GPR180: variants seen among roughly 807,000 people sequenced by gnomAD.
GPR180 encodes integral membrane protein GPR180.
In GPR180, 53 loss-of-function variants were observed where a neutral mutation model predicts 52.6. That is an observed-to-expected ratio of 1.01 (90% confidence interval 0.81 to 1.27). The LOEUF (loss-of-function observed/expected upper bound fraction) is 1.27. Ranked by LOEUF, GPR180 falls within the 50% of genes most tolerant of loss-of-function variation. The pLI is 0.00. For synonymous variants in GPR180, 200 were observed against 193.1 expected (o/e 1.04, Z -0.30); for missense variants, 533 against 527.0 (o/e 1.01, Z -0.11).
intron 3 of GPR180, among the ~76,000 whole-genome samples, chr13:94,616,900 A>G (rs1229067795): frequency 2.0e-5 from 3 of 152,196 alleles, no homozygotes; most frequent in Non-Finnish European, 4.4e-5. Flanking sequence ...TTTATCTTTT[A>G]AGCATTTTAT....
At chr13:94,615,235 C>T (rs887414874) in intron 3 of GPR180, among the ~76,000 whole-genome samples, 1 of 152,190 alleles carries the variant, frequency 6.6e-6, no homozygotes, top group African/African-American at 2.4e-5. Context: ...ATTCTTCCTA[C>T]TTTGTAGCCT....
rs1889617322 is a variant in GPR180, at chr13:94,605,505, A to G, written c.260A>G (p.His87Arg). Residue 87 changes from histidine (H) to arginine (R), a missense_variant, in exon 2 of 9, where the codon CAT becomes CGT. Transcript: ENST00000376958. ...QEWLKLQQSS[H>R]GYSCSEKLSK... ...TGGCTAAAGCTACAGCAAAGCAGTCATGGTTATAGCTGTAGTGAAAAATTA... is the reference window on the plus strand; with the variant it reads ...TGGCTAAAGCTACAGCAAAGCAGTCGTGGTTATAGCTGTAGTGAAAAATTA... The G allele has an allele frequency of 3.1e-6, 5 of 1,614,174 alleles. No homozygotes were observed. Among genetic ancestry groups the G allele is most frequent in the Non-Finnish European group, 4.2e-6 (5 of 1,179,996 alleles).
In GPR180 at chr13:94,601,866, C is replaced by A. The variant is rs372436127; in HGVS notation, c.-62C>A. The A allele has an allele frequency of 2.4e-4, 320 of 1,325,724 alleles. 3 individuals carry two copies. The East Asian group carries it at 6.8e-3, about 28-fold the overall frequency. 82.1% of individuals were successfully genotyped at this position (1,325,724 alleles called of 1,614,324 possible). ...CCACCCCGCCTCCCCCAGCTGCCGA[C>A]GTGGGGCGGGCAGCCGCCGGCGGCT... On this transcript the variant is annotated 5_prime_UTR_variant, in exon 1 of 9. Coordinates refer to ENST00000376958, the MANE Select transcript of GPR180 (RefSeq NM_180989.6).
intron 8 of GPR180, 45 bp from the exon 9 acceptor site, chr13:94,626,968 C>G (rs1392956826): frequency 3.7e-6 from 5 of 1,353,302 alleles, no homozygotes; most frequent in Non-Finnish European, 5.1e-6. Flanking sequence ...TATTATTTCT[C>G]TATTTCTGCA....
chr13:94,619,519 T>C lies in GPR180; in HGVS notation c.736+2T>C. ...CATTTATGGGAAGTTTGGCAGAATG[T>C]GAGTATCTTTCTGAGCATTTTTTAA... On this transcript the variant is annotated splice_donor_variant, in intron 5 of 8. Transcript: ENST00000376958. LOFTEE classifies it high-confidence loss of function. 2 of 1,611,318 alleles carry C rather than the reference T, an allele frequency of 1.2e-6. No homozygotes were observed. The highest frequency in any genetic ancestry group is 1.7e-6 in the Non-Finnish European group (2 of 1,177,926).
intron 3 of GPR180, among the ~76,000 whole-genome samples, chr13:94,615,497 C>T (rs1342570318): frequency 6.6e-6 from 1 of 152,138 alleles, no homozygotes; most frequent in Non-Finnish European, 1.5e-5. Flanking sequence ...TTTATATCTA[C>T]CAGACTTTGG....
At chr13:94,625,911 C>A in intron 7 of GPR180, 55 bp from the exon 8 acceptor site, 1 of 1,352,738 alleles carries the variant, frequency 7.4e-7, no homozygotes. Flanking sequence ...TTGTCTGGTA[C>A]ATGCTGAAAA....
intron 2 of GPR180, among the ~76,000 whole-genome samples, chr13:94,608,823 A>G (rs1889666841): frequency 6.6e-6 from 1 of 152,224 alleles, no homozygotes; most frequent in African/African-American, 2.4e-5. Context: ...GCTGCTGTGT[A>G]CTATGAAAAG....
Position 94,627,228 on chromosome 13 carries a change from C to G in GPR180, c.*57C>G. 6.9e-7 allele frequency: 1 copy of G among 1,447,634 alleles called. No individual in the cohort carries two copies. Among genetic ancestry groups the G allele is most frequent in the South Asian group, 1.2e-5 (1 of 81,308 alleles). 89.7% of individuals were successfully genotyped at this position (1,447,634 alleles called of 1,614,324 possible). On this transcript the variant is annotated 3_prime_UTR_variant, in exon 9 of 9. Transcript: ENST00000376958. ...TGGTTAAAAGAGTGCAATAAGGATC[C>G]AAATACAGTGACTTTTTTTTCATAC...
rs1889563417 is a variant in GPR180 at position 94,602,117 on chromosome 13, CCCGCCGGCTGAGT to C, written c.145+54_145+66del. On this transcript the variant is annotated intron_variant, in intron 1 of 8. Coordinates refer to ENST00000376958, the MANE Select transcript of GPR180 (RefSeq NM_180989.6). ...GGGGGATGAAGGCGCGCTGGCCCAT[CCCGCCGGCTGAGT>C]CCGCCGGCCGCTCCTCCCGGCCCCT... 11 of 1,278,686 alleles carry C rather than the reference CCCGCCGGCTGAGT, an allele frequency of 8.6e-6. No individual in the cohort carries two copies. The South Asian group carries it at 2.2e-4, about 26-fold the overall frequency. The allele number at this position is 1,278,686 out of a possible 1,614,324, so 79.2% of individuals were successfully genotyped here.
chr13:94,629,951 A>G lies in GPR180; in HGVS notation c.*2780A>G, dbSNP rs1889973375. Reference sequence around the variant, plus strand: ...CAGCATGTTTCTTCTAGGAGACTGCACGTTCTTTGGAATTTGGAAATTTGG... The same window carrying G: ...CAGCATGTTTCTTCTAGGAGACTGCGCGTTCTTTGGAATTTGGAAATTTGG... On this transcript the variant is annotated 3_prime_UTR_variant, in exon 9 of 9. Transcript: ENST00000376958. 6.6e-6 allele frequency: 1 copy of G among 152,200 alleles called. No individual in the cohort carries two copies. The highest frequency in any genetic ancestry group is 2.4e-5 in the African/African-American group (1 of 41,456). 9.4% of individuals were successfully genotyped at this position (152,200 alleles called of 1,614,324 possible).
chr13:94,601,977 C>T lies in GPR180; in HGVS notation c.50C>T (p.Pro17Leu). 1 of 1,495,534 alleles carries T rather than the reference C, an allele frequency of 6.7e-7. No individual in the cohort carries two copies. The highest frequency in any genetic ancestry group is 8.9e-7 in the Non-Finnish European group (1 of 1,127,648). The allele number at this position is 1,495,534 out of a possible 1,614,324, so 92.6% of individuals were successfully genotyped here. Residue 17 changes from proline to leucine, a missense_variant, in exon 1 of 9, where the codon CCG (proline) becomes CTG (leucine). Coordinates refer to ENST00000376958, the MANE Select transcript of GPR180 (RefSeq NM_180989.6). ...GTGGCCCTCACGTGCTGCTGGTGGCCGCAGGGCAGCCAGGGTAAGACCCTG... is the reference window on the plus strand; with the variant it reads ...GTGGCCCTCACGTGCTGCTGGTGGCTGCAGGGCAGCCAGGGTAAGACCCTG... ...LAVALTCCWW[P>L]QGSQGKTLRG...
intron 6 of GPR180, 151 bp from the exon 7 acceptor site, chr13:94,622,958 G>T (rs1271547586): frequency 1.7e-6 from 1 of 595,768 alleles, no homozygotes. Context: ...TTAGAGTGAT[G>T]AAAAGACTGT....
chr13:94,627,205 G>C lies in GPR180; in HGVS notation c.*34G>C. On this transcript the variant is annotated 3_prime_UTR_variant, in exon 9 of 9. Coordinates refer to ENST00000376958, the MANE Select transcript of GPR180 (RefSeq NM_180989.6). ...TTTTGTTGAGAGGAAAAGTGAATTG[G>C]TTAAAAGAGTGCAATAAGGATCCAA... 1.9e-6 allele frequency: 3 copies of C among 1,587,188 alleles called. No individual in the cohort carries two copies. Among genetic ancestry groups the C allele is most frequent in the Non-Finnish European group, 1.7e-6 (2 of 1,161,604 alleles).
chr13:94,609,282 A>G (rs1179201103), intron 2 of GPR180, among the ~76,000 whole-genome samples: 1 of 152,178 alleles, frequency 6.6e-6, no homozygotes, highest in Non-Finnish European at 1.5e-5. Context: ...CAGCAGTTCA[A>G]GTTTTGTTAA....
At position 94,633,190 on chromosome 13, in the gene GPR180, A is replaced by C. The variant is rs974981867; in HGVS notation, c.*6019A>C. 6.6e-6 allele frequency: 1 copy of C among 152,204 alleles called. No individual in the cohort carries two copies. 9.4% of individuals were successfully genotyped at this position (152,204 alleles called of 1,614,324 possible). ...AACTTGCAGCCAGTTGGTCAGAAGTAAGGATGGTCCTGGGAATGCCCAAAG... is the reference window on the plus strand; with the variant it reads ...AACTTGCAGCCAGTTGGTCAGAAGTCAGGATGGTCCTGGGAATGCCCAAAG... On this transcript the variant is annotated 3_prime_UTR_variant, in exon 9 of 9. Transcript: ENST00000376958.
At chr13:94,618,419 G>GTTTTTTTTTTTTTTTT (rs1566980109) in intron 3 of GPR180, among the ~76,000 whole-genome samples, 9 of 72,998 alleles carry the variant, frequency 1.2e-4, no homozygotes, top group African/African-American at 2.4e-4. Context: ...ATCAGCACAG[G>GTTTTTTTTTTTTTTTT]ATTTTTTTTT....
At position 94,612,283 on chromosome 13, in the gene GPR180, A is replaced by T. The variant is rs1490601749; in HGVS notation, c.398A>T (p.Gln133Leu). ...TTTTATGCAGACAAGTATACATGCC[A>T]AGATGACAAGGAGAATTCTCAGGTG... The part of the protein sequence containing the change: ...HVFYADKYTC[Q>L]DDKENSQVED... Residue 133 changes from glutamine to leucine, a missense_variant, in exon 3 of 9, where the codon CAA becomes CTA. By Grantham distance (113) the Gln-to-Leu change is moderately radical. Transcript: ENST00000376958. The T allele has an allele frequency of 6.2e-7, 1 of 1,613,976 alleles. No individual in the cohort carries two copies.
intron 3 of GPR180, among the ~76,000 whole-genome samples, chr13:94,617,553 A>T (rs914104145): frequency 6.6e-6 from 1 of 152,204 alleles, no homozygotes; most frequent in East Asian, 1.9e-4. Flanking sequence ...AACTGTCCAC[A>T]TTTATATTCA....
Sources: allele counts gnomAD v4.1 joint callset (sites outside exome capture counted in the v4.1 genomes callset), GRCh38; gene constraint gnomAD v4.1.1; transcripts MANE v1.5; gene names NCBI Gene and HGNC (gene_info 2026-07-23, HGNC 2026-07-21).